Variants in VCP observed in about 807,000 individuals in gnomAD.
VCP encodes valosin containing protein, also known as transitional endoplasmic reticulum ATPase.
A neutral mutation model predicts 85.7 loss-of-function variants in VCP; 6 were observed. The observed-to-expected ratio is 0.07, with a 90% confidence interval of 0.04 to 0.14. The LOEUF is 0.14. Ranked by LOEUF, VCP falls within the 10% of genes least tolerant of loss-of-function variation. The pLI is 1.00. For missense variants in VCP, 353 were observed against 1,043.4 expected (o/e 0.34, Z 9.12); for synonymous variants, 384 against 367.1 (o/e 1.05, Z -0.53).
intron 6 of VCP, 29 bp from the exon 7 acceptor site, chr9:35,063,109 T>C (rs745885712): frequency 1.2e-6 from 2 of 1,608,444 alleles, no homozygotes; most frequent in Non-Finnish European, 1.7e-6. Flanking sequence ...TGTGATTAGG[T>C]TCCCACCTTC....
chr9:35,072,408 G>A lies in VCP; in HGVS notation c.-55C>T, dbSNP rs1052108310. The A allele has an allele frequency of 2.7e-6, 4 of 1,457,186 alleles. No individual in the cohort carries two copies. The highest frequency in any genetic ancestry group is 5.8e-5 in the East Asian group (2 of 34,282). 90.3% of individuals were successfully genotyped at this position (1,457,186 alleles called of 1,614,324 possible). On this transcript the variant is annotated 5_prime_UTR_variant, in exon 1 of 17. Transcript: ENST00000358901. The stretch of plus-strand genomic sequence containing the variant: ...GGCGGCCCGCGGGTAACGGCTACGA[G>A]CGGTGGCAAGCGACCGACTGGGCCG...
At position 35,059,323 on chromosome 9, in the gene VCP, G is replaced by C; in HGVS notation, c.2005-104C>G. On this transcript the variant is annotated intron_variant, in intron 14 of 16. Coordinates refer to ENST00000358901, the MANE Select transcript of VCP (RefSeq NM_007126.5). The surrounding 1 kb of genome is among the most constrained non-coding windows in gnomAD (Gnocchi z 4.9). ...CCCAACTACAGTTTGCCCCTTCTTT[G>C]GCCACCCCATTTTATTCCTGATTCT... is the stretch of plus-strand genomic sequence containing the variant. 1 of 1,561,082 alleles carries C rather than the reference G, an allele frequency of 6.4e-7. No homozygotes were observed. The highest frequency in any genetic ancestry group is 8.7e-7 in the Non-Finnish European group (1 of 1,148,148).
At position 35,061,165 on chromosome 9, in the gene VCP, A is replaced by C; in HGVS notation, c.1209T>G (p.Thr403=). ...DVDLEQVANE[T]HGHVGADLAA... ...CTAAGTCAGCACCCACATGCCCGTG[A>C]GTCTCATTGGCTACCTGCAGAGAAA... is the stretch of plus-strand genomic sequence containing the variant. The change falls in exon 11 of 17, where the codon ACT becomes ACG. Residue 403 remains threonine, a synonymous_variant. Coordinates refer to ENST00000358901, the MANE Select transcript of VCP (RefSeq NM_007126.5). 1 of 1,613,458 alleles carries C rather than the reference A, an allele frequency of 6.2e-7. No individual in the cohort carries two copies. The highest frequency in any genetic ancestry group is 8.5e-7 in the Non-Finnish European group (1 of 1,180,024).
At position 35,059,210 on chromosome 9, in the gene VCP, A is replaced by G; in HGVS notation, c.2014T>C (p.Leu672=). Residue 672 remains leucine (L), a synonymous_variant, in exon 15 of 17, where the codon TTG becomes CTG. Transcript: ENST00000358901. This position sits in a 1 kb window ranked among gnomAD's most constrained non-coding sequence, Gnocchi z 4.9. ...RKSPVAKDVD[L]EFLAKMTNGF... The stretch of plus-strand genomic sequence containing the variant: ...TTAGTCATTTTAGCCAGGAACTCCA[A>G]GTCCACATCCTAAAAGCAGCAGCAG... The G allele has an allele frequency of 6.2e-7, 1 of 1,614,178 alleles. No individual in the cohort carries two copies. Among genetic ancestry groups the G allele is most frequent in the Non-Finnish European group, 8.5e-7 (1 of 1,180,026 alleles).
rs1254911985 is a variant in VCP, at chr9:35,067,773, G to C, written c.302+118C>G. 5.2e-6 allele frequency: 7 copies of C among 1,335,074 alleles called. No homozygotes were observed. The East Asian group carries it at 1.7e-4, about 32-fold the overall frequency. The allele number at this position is 1,335,074 out of a possible 1,614,324, so 82.7% of individuals were successfully genotyped here. On this transcript the variant is annotated intron_variant, in intron 3 of 16. Coordinates refer to ENST00000358901, the MANE Select transcript of VCP (RefSeq NM_007126.5). ...AGCATAAGTCTTCCCATGACCAGGA[G>C]GCTTCCTGCATCGACAGGTGCCAAG...
At chr9:35,058,770 A>AAAAAAAC (rs1554668093) in intron 15 of VCP, among the ~76,000 whole-genome samples, 7 of 152,030 alleles carry the variant, frequency 4.6e-5, no homozygotes, top group South Asian at 2.1e-4. Context: ...TCGTCTCAAA[A>AAAAAAAC]AAAAAACAAA....
At chr9:35,067,118 C>A (rs1432153552) in intron 3 of VCP, among the ~76,000 whole-genome samples, 2 of 152,096 alleles carry the variant, frequency 1.3e-5, no homozygotes, top group African/African-American at 4.8e-5. Context: ...CCCAATATTA[C>A]AAGGGAAGGT....
intron 4 of VCP, 50 bp from the exon 5 acceptor site, chr9:35,065,431 A>T: frequency 6.2e-7 from 1 of 1,612,798 alleles, no homozygotes; most frequent in Non-Finnish European, 8.5e-7. Flanking sequence ...ACTACAAGAC[A>T]AAGTGAGAAC....
chr9:35,059,876 T>C lies in VCP; in HGVS notation c.1696-75A>G. 6.3e-7 allele frequency: 1 copy of C among 1,594,864 alleles called. No individual in the cohort carries two copies. The highest frequency in any genetic ancestry group is 8.6e-7 in the Non-Finnish European group (1 of 1,164,864). On this transcript the variant is annotated intron_variant, in intron 13 of 16. Coordinates refer to ENST00000358901, the MANE Select transcript of VCP (RefSeq NM_007126.5). This position sits in a 1 kb window ranked among gnomAD's most constrained non-coding sequence, Gnocchi z 4.9. ...AGGCAAACGTGGTGGCTCACACCTG[T>C]ATTCCCAGCACTTTGGGAGGCCAAG...
In VCP at chr9:35,056,642, A is replaced by G. The variant is rs545533602; in HGVS notation, c.*475T>C. The G allele has an allele frequency of 5.3e-6, 1 of 189,388 alleles. No homozygotes were observed. The highest frequency in any genetic ancestry group is 1.1e-4 in the South Asian group (1 of 9,482). The allele number at this position is 189,388 out of a possible 1,614,324, so 11.7% of individuals were successfully genotyped here. On this transcript the variant is annotated 3_prime_UTR_variant, in exon 17 of 17. Transcript: ENST00000358901. The stretch of plus-strand genomic sequence containing the variant: ...GAAACTGCTTGTGATTAGTTTTCCA[A>G]CATTAACTCAAAAGCATGTAAAATA...
chr9:35,065,499 T>A (rs1053365087), intron 4 of VCP, 118 bp from the exon 5 acceptor site: 3 of 1,369,344 alleles, frequency 2.2e-6, no homozygotes, highest in Non-Finnish European at 3.0e-6. Flanking sequence ...TCATTAGATA[T>A]TGCCCTACCT....
intron 10 of VCP, 74 bp downstream of exon 10, chr9:35,061,502 CT>C (rs1313316950): frequency 8.7e-6 from 12 of 1,382,820 alleles, no homozygotes; most frequent in Non-Finnish European, 1.2e-5. Flanking sequence ...ACATCTTAAC[CT>C]TATGTCTCTA....
intron 4 of VCP, 73 bp downstream of exon 4, chr9:35,066,602 G>T: frequency 9.6e-6 from 14 of 1,460,374 alleles, no homozygotes; most frequent in South Asian, 1.3e-5. Flanking sequence ...AAAAGAAAAA[G>T]AAAATGAGAT....
Position 35,056,984 on chromosome 9 carries a change from G to C in VCP, c.*133C>G. 1 of 878,688 alleles carries C rather than the reference G, an allele frequency of 1.1e-6. No homozygotes were observed. The highest frequency in any genetic ancestry group is 1.9e-5 in the Admixed American group (1 of 53,906). 54.4% of individuals were successfully genotyped at this position (878,688 alleles called of 1,614,324 possible). On this transcript the variant is annotated 3_prime_UTR_variant, in exon 17 of 17. Coordinates refer to ENST00000358901, the MANE Select transcript of VCP (RefSeq NM_007126.5). ...GAAACCCCCTGTCCAGAGTCAGACT[G>C]TAGCTGAACTGTTCAGACTGGAGAA...
chr9:35,059,057 G>C lies in VCP; in HGVS notation c.2160+7C>G. 6.2e-7 allele frequency: 1 copy of C among 1,613,858 alleles called. No individual in the cohort carries two copies. Among genetic ancestry groups the C allele is most frequent in the Admixed American group, 1.7e-5 (1 of 60,030 alleles). Reference sequence around the variant, plus strand: ...TTGGCACATCTGGGGAAAGGATGCAGACTCACCATGGCTGATGGGTTTGTC... The same window carrying C: ...TTGGCACATCTGGGGAAAGGATGCACACTCACCATGGCTGATGGGTTTGTC... On this transcript the variant is annotated splice_region_variant and intron_variant, in intron 15 of 16. Transcript: ENST00000358901. The surrounding 1 kb of genome is among the most constrained non-coding windows in gnomAD (Gnocchi z 4.9).
At chr9:35,064,341 C>CT in intron 5 of VCP, 56 bp from the exon 6 acceptor site, 1 of 1,606,408 alleles carries the variant, frequency 6.2e-7, no homozygotes, top group South Asian at 1.1e-5. Context: ...TCAGCAAAAG[C>CT]TGAGTTTCTC....
At chr9:35,069,906 C>T (rs1828906669) in intron 1 of VCP, among the ~76,000 whole-genome samples, 2 of 152,150 alleles carry the variant, frequency 1.3e-5, no homozygotes, top group African/African-American at 4.8e-5. Flanking sequence ...CTATTATGTA[C>T]CAGGCATTGT....
intron 13 of VCP, among the ~76,000 whole-genome samples, 157 bp downstream of exon 13, chr9:35,060,156 T>A (rs1262270350): frequency 1.3e-5 from 2 of 151,274 alleles, no homozygotes; most frequent in African/African-American, 2.4e-5. Context: ...AAAAAAAAAA[T>A]AACACTAGGT....
At position 35,060,194 on chromosome 9, in the gene VCP, T is replaced by C. The variant is rs1364604713; in HGVS notation, c.1695+119A>G. On this transcript the variant is annotated intron_variant, in intron 13 of 16. Coordinates refer to ENST00000358901, the MANE Select transcript of VCP (RefSeq NM_007126.5). Reference sequence around the variant, plus strand: ...CTCAGACCTCAGAAAGAAAATCAAGTGACTTACTGTGCAGTTGAGCAGCCA... The same window carrying C: ...CTCAGACCTCAGAAAGAAAATCAAGCGACTTACTGTGCAGTTGAGCAGCCA... The C allele has an allele frequency of 2.8e-6, 3 of 1,058,260 alleles. No individual in the cohort carries two copies. In the South Asian group the frequency reaches 4.1e-5, roughly 15 times the overall value. 65.6% of individuals were successfully genotyped at this position (1,058,260 alleles called of 1,614,324 possible). A position where few individuals can be genotyped will look rare whatever the true frequency, so the allele number is the denominator to read the frequency against.
Sources: allele counts gnomAD v4.1 joint callset (sites outside exome capture counted in the v4.1 genomes callset), GRCh38; gene constraint gnomAD v4.1.1; non-coding constraint Gnocchi (gnomAD v3.1); transcripts MANE v1.5; gene names NCBI Gene and HGNC (gene_info 2026-07-23, HGNC 2026-07-21).